The following CNBD1 variants were observed in gnomAD, a reference collection of about 807,000 sequenced individuals.
CNBD1 encodes the protein cyclic nucleotide binding domain containing 1.
Under a neutral mutation model 54.4 loss-of-function variants are expected in CNBD1, and 71 were observed. The observed-to-expected ratio is 1.30, with a 90% confidence interval of 1.08 to 1.59. The LOEUF is 1.59. CNBD1 is among the 40% of genes most tolerant of loss of function. The pLI is 0.00. For missense variants in CNBD1, 659 were observed against 518.0 expected, an observed-to-expected ratio of 1.27 and a Z score of -2.64; for synonymous variants, 182 against 170.7, an observed-to-expected ratio of 1.07 and a Z score of -0.51.
chr8:87,375,425 C>A (rs979844180), intron 10 of CNBD1, among the ~76,000 whole-genome samples: 1 of 151,574 alleles, frequency 6.6e-6, no homozygotes, highest in Non-Finnish European at 1.5e-5. Context: ...TAGATAAATG[C>A]CCACCAAGAG....
chr8:87,367,767 T>C (rs899704416), intron 10 of CNBD1, among the ~76,000 whole-genome samples: 1 of 152,134 alleles, frequency 6.6e-6, no homozygotes, highest in Admixed American at 6.6e-5. Flanking sequence ...CAATGCTCTC[T>C]ATCGAAAGGT....
chr8:87,263,843 T>A (rs188362590), intron 6 of CNBD1, among the ~76,000 whole-genome samples: 26 of 152,102 alleles, frequency 1.7e-4, no homozygotes, highest in Non-Finnish European at 3.4e-4. Context: ...AGAGAAGATA[T>A]ACTAAGAGGA....
At chr8:87,245,074 T>C (rs1807777759) in intron 6 of CNBD1, among the ~76,000 whole-genome samples, 1 of 152,082 alleles carries the variant, frequency 6.6e-6, no homozygotes, top group Non-Finnish European at 1.5e-5. Flanking sequence ...CATCTAATTG[T>C]CTCTCCGATC....
At chr8:87,331,444 T>G (rs1026715933) in intron 8 of CNBD1, among the ~76,000 whole-genome samples, 4 of 152,214 alleles carry the variant, frequency 2.6e-5, no homozygotes, top group South Asian at 2.1e-4. Context: ...TACCGCATTT[T>G]CTTTATACAG....
chr8:87,327,624 G>C (rs376703920), intron 8 of CNBD1, among the ~76,000 whole-genome samples: 4 of 152,184 alleles, frequency 2.6e-5, no homozygotes, highest in Non-Finnish European at 5.9e-5. Flanking sequence ...GACCCCTTGC[G>C]CTTCCCAGGT....
chr8:87,055,097 G>T (rs996227600), intron 4 of CNBD1, among the ~76,000 whole-genome samples: 3 of 152,178 alleles, frequency 2.0e-5, no homozygotes, highest in Non-Finnish European at 4.4e-5. Context: ...CACTGATTAC[G>T]TTGTCTGGGA....
intron 3 of CNBD1, among the ~76,000 whole-genome samples, chr8:86,936,082 T>G (rs1205388699): frequency 1.3e-5 from 2 of 152,124 alleles, no homozygotes. Context: ...GAGGTTGCAG[T>G]GAGCTGAGAT....
chr8:86,868,972 G>C (rs1808403332), intron 1 of CNBD1, among the ~76,000 whole-genome samples: 1 of 152,096 alleles, frequency 6.6e-6, no homozygotes, highest in Non-Finnish European at 1.5e-5. Context: ...ATGTGAGAAA[G>C]ACTCGACTGG....
At chr8:87,321,785 T>C (rs1809540037) in intron 8 of CNBD1, among the ~76,000 whole-genome samples, 1 of 149,380 alleles carries the variant, frequency 6.7e-6, no homozygotes, top group African/African-American at 2.5e-5. Flanking sequence ...GTCATCAGGC[T>C]TTTTTCTTTT....
At chr8:87,312,989 A>G (rs1809301331) in intron 8 of CNBD1, among the ~76,000 whole-genome samples, 2 of 151,854 alleles carry the variant, frequency 1.3e-5, no homozygotes. Flanking sequence ...CAAACGACAT[A>G]CTCTAAGTGT....
Position 87,080,480 on chromosome 8 carries a change from C to T in CNBD1, c.432-125513C>T, listed in dbSNP as rs1586242317. ...ACCTGTAATCCCAGCTGAGGGATAG[C>T]GAATCACTTGAACCCGGGAGGTGGA... On this transcript the variant is annotated intron_variant, in intron 4 of 10. Coordinates refer to ENST00000518476, the MANE Select transcript of CNBD1 (RefSeq NM_173538.3). Among the ~76,000 whole-genome samples, 6 of 151,306 alleles carry T rather than the reference C, an allele frequency of 4.0e-5. 1 individual carries two copies. In the South Asian group the frequency reaches 8.3e-4, roughly 21 times the overall value.
chr8:87,104,210 T>G (rs894678589), intron 4 of CNBD1, among the ~76,000 whole-genome samples: 9 of 152,088 alleles, frequency 5.9e-5, no homozygotes, highest in African/African-American at 2.2e-4. Context: ...GGACTGGAGG[T>G]CCTAGCAAGT....
intron 4 of CNBD1, among the ~76,000 whole-genome samples, chr8:87,058,667 C>T (rs1289999127): frequency 1.3e-5 from 2 of 152,144 alleles, no homozygotes; most frequent in African/African-American, 4.8e-5. Context: ...ACCTTGGTCC[C>T]TTTAACCATG....
intron 8 of CNBD1, among the ~76,000 whole-genome samples, chr8:87,292,584 G>T (rs1331775644): frequency 1.3e-5 from 2 of 152,086 alleles, no homozygotes; most frequent in Non-Finnish European, 2.9e-5. Flanking sequence ...ACAACTGTAA[G>T]AAAAAATTTT....
intron 1 of CNBD1, among the ~76,000 whole-genome samples, chr8:86,871,307 T>C (rs889188641): frequency 1.3e-5 from 2 of 152,224 alleles, no homozygotes; most frequent in Non-Finnish European, 2.9e-5. Flanking sequence ...AGTCCTGTTA[T>C]TAGTTCCATG....
intron 8 of CNBD1, among the ~76,000 whole-genome samples, chr8:87,331,991 T>C (rs1809843528): frequency 6.7e-6 from 1 of 149,516 alleles, no homozygotes; most frequent in African/African-American, 2.5e-5. Flanking sequence ...ATTGCAAAAA[T>C]TTTCTCCCAT....
intron 2 of CNBD1, among the ~76,000 whole-genome samples, chr8:87,404,496 G>A (rs1043213217): frequency 6.6e-6 from 1 of 152,018 alleles, no homozygotes; most frequent in Non-Finnish European, 1.5e-5. Context: ...TTATGGTGTC[G>A]AAATCATTTG....
chr8:86,879,098 C>T (rs1346718311), intron 1 of CNBD1, among the ~76,000 whole-genome samples: 1 of 152,106 alleles, frequency 6.6e-6, no homozygotes, highest in African/African-American at 2.4e-5. Flanking sequence ...AACATTTTTA[C>T]TTCCACTTAT....
chr8:86,927,397 T>C (rs1809380171), intron 3 of CNBD1, among the ~76,000 whole-genome samples: 1 of 152,076 alleles, frequency 6.6e-6, no homozygotes. Flanking sequence ...GACTGTTTGT[T>C]AAACAGGGAG....
Sources: gnomAD v4.1 joint callset for allele counts (sites outside exome capture counted in the v4.1 genomes callset) on GRCh38, gnomAD v4.1.1 for gene constraint, MANE v1.5 for transcripts, NCBI Gene and HGNC (gene_info 2026-07-23, HGNC 2026-07-21) for gene names.